The following SDF4 variants were observed in gnomAD, a reference collection of about 807,000 sequenced individuals.
The protein encoded by SDF4 is stromal cell derived factor 4, also known as 45 kDa calcium-binding protein.
A neutral mutation model predicts 34.2 loss-of-function variants in SDF4; 22 were observed. The observed-to-expected ratio is 0.64, with a 90% confidence interval of 0.46 to 0.92. The LOEUF (loss-of-function observed/expected upper bound fraction) is 0.92, where lower values mean the gene tolerates loss of function less well. Ranked by LOEUF, SDF4 falls within the 40% of genes least tolerant of loss-of-function variation. The pLI is 0.00. For missense variants in SDF4, 447 were observed against 499.9 expected, an observed-to-expected ratio of 0.89 and a Z score of 1.01; for synonymous variants, 236 against 203.1, an observed-to-expected ratio of 1.16 and a Z score of -1.38.
rs371394213 is a variant in SDF4 at position 1,218,470 on chromosome 1, G to A, written c.879C>T (p.Ala293=). ...CGCCAGGGCTCACCTCCAGCTCCTCGGCGGTCACGATGCCGTCGTGGTTGG... is the reference window on the plus strand; with the variant it reads ...CGCCAGGGCTCACCTCCAGCTCCTCAGCGGTCACGATGCCGTCGTGGTTGG... ...IDSNHDGIVT[A]EELESYMDPM... is the part of the protein sequence containing the mutation. The change falls in exon 6 of 7, where the codon GCC becomes GCT. Residue 293 remains alanine (A), a synonymous_variant. Transcript: ENST00000360001. This position sits in a 1 kb window ranked among gnomAD's most constrained non-coding sequence, Gnocchi z 7.9. The A allele has an allele frequency of 3.6e-5, 58 of 1,611,874 alleles. No homozygotes were observed. Among genetic ancestry groups the A allele is most frequent in the Admixed American group, 3.3e-5 (2 of 60,010 alleles).
chr1:1,224,404 CG>C (rs1051954861), intron 2 of SDF4, among the ~76,000 whole-genome samples: 3 of 152,170 alleles, frequency 2.0e-5, no homozygotes, highest in African/African-American at 7.2e-5. Context: ...CTCAGCCTCC[CG>C]AGTAGCTGGG....
intron 2 of SDF4, among the ~76,000 whole-genome samples, chr1:1,225,655 C>T (rs1172956417): frequency 1.3e-5 from 2 of 152,110 alleles, no homozygotes; most frequent in East Asian, 1.9e-4. Context: ...CACGTGGACA[C>T]GTGCATCCTC....
chr1:1,229,511 C>CT lies in SDF4; in HGVS notation c.-174-566dup, dbSNP rs946379696. ...ACAGGCGTGAGCCACTGTGCCCGGT[C>CT]TTTTTTTTACAGACACTGAGTTTTC... On this transcript the variant is annotated intron_variant, in intron 1 of 6. Coordinates refer to ENST00000360001, the MANE Select transcript of SDF4 (RefSeq NM_016176.6). 1.7e-3 allele frequency among the ~76,000 whole-genome samples: 265 copies of CT among 152,204 alleles called. 1 individual carries two copies. The highest frequency in any genetic ancestry group is 5.5e-3 in the African/African-American group (230 of 41,522).
chr1:1,222,783 G>A (rs1007004095), intron 4 of SDF4, among the ~76,000 whole-genome samples: 2 of 152,256 alleles, frequency 1.3e-5, no homozygotes, highest in African/African-American at 2.4e-5. Context: ...GGTCAGCAAC[G>A]GCTTCACCCA....
intron 2 of SDF4, among the ~76,000 whole-genome samples, chr1:1,225,376 C>T (rs561496499): frequency 8.1e-4 from 123 of 152,322 alleles, no homozygotes; most frequent in African/African-American, 2.9e-3. Flanking sequence ...GGCAAGCAGG[C>T]CCTCGTCAGG....
chr1:1,221,996 A>G (rs1448841539), intron 4 of SDF4, among the ~76,000 whole-genome samples: 1 of 152,204 alleles, frequency 6.6e-6, no homozygotes, highest in Non-Finnish European at 1.5e-5. Flanking sequence ...TGGTGAGGAA[A>G]TGTGTGTTAC....
At chr1:1,231,648 T>C (rs1261058816) in intron 1 of SDF4, among the ~76,000 whole-genome samples, 1 of 152,234 alleles carries the variant, frequency 6.6e-6, no homozygotes, top group Admixed American at 6.5e-5. Context: ...TCGTAGGTTT[T>C]GGCCAGTAGG....
Position 1,228,460 on chromosome 1 carries a change from G to A in SDF4, c.305+8C>T, listed in dbSNP as rs1638381421. On this transcript the variant is annotated splice_region_variant and intron_variant, in intron 2 of 6. Transcript: ENST00000360001. ...AGCCCCCCAGTCTGGGCACATGGCG[G>A]CACCTACTTGGAAAAGATGACCATC... 1.3e-6 allele frequency: 2 copies of A among 1,593,870 alleles called. No homozygotes were observed. Among genetic ancestry groups the A allele is most frequent in the Middle Eastern group, 1.7e-4 (1 of 6,012 alleles).
rs138044278 is a variant in SDF4 at position 1,225,916 on chromosome 1, C to T, written c.306-1948G>A. On this transcript the variant is annotated intron_variant, in intron 2 of 6. Coordinates refer to ENST00000360001, the MANE Select transcript of SDF4 (RefSeq NM_016176.6). ...ATCCAAACTCAGGTGCCTGAAGACACGGCTGCAGGGCGGTGCACGTACATG... is the reference window on the plus strand; with the variant it reads ...ATCCAAACTCAGGTGCCTGAAGACATGGCTGCAGGGCGGTGCACGTACATG... 6.9e-3 allele frequency among the ~76,000 whole-genome samples: 1,054 copies of T among 152,358 alleles called. 15 individuals are homozygous for T. The highest frequency in any genetic ancestry group is 0.024 in the African/African-American group (1,001 of 41,582).
At chr1:1,223,469 G>A (rs1293932314) in intron 3 of SDF4, 112 bp from the exon 4 acceptor site, 30 of 830,674 alleles carry the variant, frequency 3.6e-5, no homozygotes, top group South Asian at 1.2e-4. Flanking sequence ...GGATGCCAGC[G>A]TCTGGAGCCC....
rs1638378296 is a variant in SDF4 at position 1,228,391 on chromosome 1, C to A, written c.305+77G>T. On this transcript the variant is annotated intron_variant, in intron 2 of 6. Coordinates refer to ENST00000360001, the MANE Select transcript of SDF4 (RefSeq NM_016176.6). ...CGACACAGGGCCCGGCGCCCCCCAC[C>A]GCGCAAAGCCAGGATAGGAACACAC... The A allele has an allele frequency of 3.5e-6, 5 of 1,444,570 alleles. No homozygotes were observed. In the African/African-American group the frequency reaches 4.3e-5, roughly 12 times the overall value. The allele number at this position is 1,444,570 out of a possible 1,614,324, so 89.5% of individuals were successfully genotyped here.
Position 1,228,520 on chromosome 1 carries a change from C to T in SDF4, c.253G>A (p.Glu85Lys). The change falls in exon 2 of 7, where the codon GAG becomes AAG. Residue 85 changes from glutamate to lysine, a missense_variant. Coordinates refer to ENST00000360001, the MANE Select transcript of SDF4 (RefSeq NM_016176.6). ...CGGCTCCGCCGCGGCTCCGCGTCCT[C>T]ATCAAAGCCACCCAGGTCCTTGCCT... ...FLGKDLGGFD[E>K]DAEPRRSRRK... The T allele has an allele frequency of 1.2e-6, 2 of 1,612,724 alleles. No individual in the cohort carries two copies. The highest frequency in any genetic ancestry group is 1.7e-6 in the Non-Finnish European group (2 of 1,179,802).
At chr1:1,230,441 T>G (rs79493008) in intron 1 of SDF4, among the ~76,000 whole-genome samples, 1 of 150,958 alleles carries the variant, frequency 6.6e-6, no homozygotes, top group Non-Finnish European at 1.5e-5. Flanking sequence ...AAGGAAACCC[T>G]GGGTGAGGGG....
intron 4 of SDF4, chr1:1,220,534 G>A (rs1649880780): frequency 7.3e-6 from 9 of 1,232,010 alleles, no homozygotes; most frequent in Admixed American, 2.6e-5. Flanking sequence ...TACCCAAAGA[G>A]GTCGGGGGGT....
rs200982889 is a variant in SDF4, at chr1:1,223,990, G to A, written c.306-22C>T. ...CACCCTGCAAGACAGCAAATGGGCA[G>A]GTGGCCGTCAGACTGGGCCCCCAGG... On this transcript the variant is annotated intron_variant, in intron 2 of 6. Transcript: ENST00000360001. The A allele has an allele frequency of 7.6e-4, 1,222 of 1,607,640 alleles. 1 individual carries two copies. The highest frequency in any genetic ancestry group is 9.9e-4 in the Non-Finnish European group (1,172 of 1,179,218).
rs746218130 is a variant in SDF4 at position 1,218,637 on chromosome 1, C to T, written c.716-4G>A. The stretch of plus-strand genomic sequence containing the variant: ...AGCTGCTTGTCACCGTCCTGGTCTG[C>T]GAGACGGGAATGGGTCAGCCCACAC... On this transcript the variant is annotated splice_polypyrimidine_tract_variant and splice_region_variant and intron_variant, in intron 5 of 6. Transcript: ENST00000360001. The surrounding 1 kb of genome is among the most constrained non-coding windows in gnomAD (Gnocchi z 7.9). 8.7e-6 allele frequency: 14 copies of T among 1,613,572 alleles called. No individual in the cohort carries two copies. The highest frequency in any genetic ancestry group is 3.3e-5 in the Admixed American group (2 of 60,000).
rs149627703 is a variant in SDF4, at chr1:1,228,421, G to A, written c.305+47C>T. On this transcript the variant is annotated intron_variant, in intron 2 of 6. Transcript: ENST00000360001. ...AAAGCCAGGATAGGAACACACAGGC[G>A]AGCGCACGCGGACAGCCCCCCAGTC... is the stretch of plus-strand genomic sequence containing the variant. The A allele has an allele frequency of 2.9e-5, 45 of 1,534,290 alleles. No individual in the cohort carries two copies. The Admixed American group carries it at 5.1e-4, about 18-fold the overall frequency.
intron 1 of SDF4, 112 bp downstream of exon 1, chr1:1,231,780 T>C (rs1351814542): frequency 6.6e-6 from 1 of 152,190 alleles, no homozygotes; most frequent in Non-Finnish European, 1.5e-5. Context: ...GGACGGACGA[T>C]GCCCCAGCCC....
rs545694749 is a variant in SDF4, at chr1:1,228,384, C to T, written c.305+84G>A. On this transcript the variant is annotated intron_variant, in intron 2 of 6. Transcript: ENST00000360001. ...CAGGTCCCGACACAGGGCCCGGCGCCCCCCACCGCGCAAAGCCAGGATAGG... is the reference window on the plus strand; with the variant it reads ...CAGGTCCCGACACAGGGCCCGGCGCTCCCCACCGCGCAAAGCCAGGATAGG... 1,673 of 1,406,988 alleles carry T rather than the reference C, an allele frequency of 1.2e-3. 12 individuals carry two copies. The highest frequency in any genetic ancestry group is 5.7e-4 in the Non-Finnish European group (600 of 1,056,252). 87.2% of individuals were successfully genotyped at this position (1,406,988 alleles called of 1,614,324 possible). A position where few individuals can be genotyped will look rare whatever the true frequency, so the allele number is the denominator to read the frequency against.
Sources: allele counts gnomAD v4.1 joint callset (sites outside exome capture counted in the v4.1 genomes callset), GRCh38; gene constraint gnomAD v4.1.1; non-coding constraint Gnocchi (gnomAD v3.1); transcripts MANE v1.5; gene names NCBI Gene and HGNC (gene_info 2026-07-23, HGNC 2026-07-21).